Variants in BYSL observed in about 807,000 individuals in gnomAD.
BYSL encodes the protein bystin.
In BYSL, 21 loss-of-function variants were observed where a neutral mutation model predicts 45.4. The observed-to-expected ratio is 0.46, with a 90% CI of 0.33 to 0.67. BYSL has a LOEUF of 0.67. Among genes scored for constraint, BYSL ranks in the 30% least tolerant of loss-of-function variants. The probability of loss-of-function intolerance (pLI) is 0.02; values close to 1 mark genes in which losing one functional copy is unlikely to be tolerated. For missense variants in BYSL, 522 were observed against 578.5 expected (o/e 0.90, Z 1.00); for synonymous variants, 215 against 231.3 (o/e 0.93, Z 0.64).
chr6:41,912,015 C>T, the BYSL span, among the ~76,000 whole-genome samples: 1 of 151,594 alleles, frequency 6.6e-6, no homozygotes, highest in East Asian at 1.9e-4. Context: ...GAAGAAGGCA[C>T]TTCTAGTTGT....
upstream of BYSL, among the ~76,000 whole-genome samples, chr6:41,917,162 G>T (rs1183627025): frequency 2.6e-5 from 4 of 152,140 alleles, no homozygotes; most frequent in African/African-American, 9.7e-5. Flanking sequence ...AGCACTTTGG[G>T]AGGTCAAGGC....
chr6:41,918,147 T>G (rs76032968), upstream of BYSL, among the ~76,000 whole-genome samples: 2 of 152,168 alleles, frequency 1.3e-5, no homozygotes, highest in African/African-American at 4.8e-5. Flanking sequence ...GGCCTTTAGA[T>G]GAATTAACTC....
intron 2 of BYSL, 143 bp from the exon 3 acceptor site, chr6:41,929,989 A>T: frequency 9.3e-7 from 1 of 1,079,244 alleles, no homozygotes; most frequent in Non-Finnish European, 1.3e-6. Context: ...GGGCACAGAG[A>T]GAGAACTCTA....
At chr6:41,909,115 A>G in the BYSL span, 1 of 988,416 alleles carries the variant, frequency 1.0e-6, no homozygotes, top group East Asian at 2.4e-5. Context: ...TCGAGGCTAC[A>G]GTGTGCCAAG....
chr6:41,920,589 A>G (rs377177866), upstream of BYSL, among the ~76,000 whole-genome samples: 19 of 152,138 alleles, frequency 1.2e-4, no homozygotes, highest in African/African-American at 4.1e-4. Flanking sequence ...AGCGTGGCCA[A>G]TATGGTGAAA....
upstream of BYSL, among the ~76,000 whole-genome samples, chr6:41,920,010 A>G (rs1346347100): frequency 1.3e-5 from 2 of 152,128 alleles, no homozygotes; most frequent in Admixed American, 1.3e-4. Flanking sequence ...TGGCCTCCGG[A>G]TTTCTCCCAC....
the BYSL span, chr6:41,909,516 G>T: frequency 6.2e-7 from 1 of 1,614,094 alleles, no homozygotes; most frequent in Non-Finnish European, 8.5e-7. Flanking sequence ...CAGCTTCCCG[G>T]TCTGACCTGC....
At chr6:41,921,913 A>G in intron 1 of BYSL, 83 bp downstream of exon 1, 1 of 1,483,444 alleles carries the variant, frequency 6.7e-7, no homozygotes, top group South Asian at 1.3e-5. Flanking sequence ...TGGCAGGGGA[A>G]TTGCTTCGAG....
the BYSL span, chr6:41,908,877 T>C: frequency 4.1e-6 from 1 of 244,934 alleles, no homozygotes; most frequent in Non-Finnish European, 7.8e-6. Context: ...TAGGCATAAA[T>C]ATCTGTTTAA....
upstream of BYSL, chr6:41,921,463 C>T (rs532268931): frequency 2.6e-4 from 374 of 1,446,060 alleles, 6 homozygotes; most frequent in South Asian, 5.0e-3. Flanking sequence ...GCTGTGATCG[C>T]CGGGCGGCCT....
chr6:41,918,377 G>A (rs950885957), upstream of BYSL, among the ~76,000 whole-genome samples: 5 of 151,974 alleles, frequency 3.3e-5, no homozygotes, highest in Admixed American at 6.6e-5. Context: ...GGTGGTGTGC[G>A]CCTGTAATCC....
Position 41,931,747 on chromosome 6 carries a change from C to T in BYSL, c.885C>T (p.Cys295=), listed in dbSNP as rs140745860. ...CCCTAGGGATCCTGATTCCACTGTG[C>T]GAGTCTGGCACTTGTACCCTCCGGG... ...AWFKGILIPL[C]ESGTCTLREA... Residue 295 remains cysteine (C), a synonymous_variant, in exon 6 of 7, where the codon TGC becomes TGT. Transcript: ENST00000230340. 3.0e-4 allele frequency: 491 copies of T among 1,614,036 alleles called. 1 individual carries two copies. The African/African-American group carries it at 5.5e-3, about 18-fold the overall frequency.
chr6:41,926,525 A>T (rs1775565830), intron 1 of BYSL, among the ~76,000 whole-genome samples: 1 of 151,786 alleles, frequency 6.6e-6, no homozygotes. Flanking sequence ...ACCTTGGCTC[A>T]CTGCAACCTC....
At chr6:41,931,364 G>A (rs1775636539) in intron 4 of BYSL, 32 bp from the exon 5 acceptor site, 1 of 1,613,154 alleles carries the variant, frequency 6.2e-7, no homozygotes, top group Non-Finnish European at 8.5e-7. Flanking sequence ...TGTCGTGTGA[G>A]TTGGAAACTT....
intron 1 of BYSL, among the ~76,000 whole-genome samples, chr6:41,926,773 A>T (rs1362716597): frequency 6.6e-6 from 1 of 150,834 alleles, no homozygotes; most frequent in Non-Finnish European, 1.5e-5. Flanking sequence ...TAAGGATTAA[A>T]CAGTTAACAT....
chr6:41,916,736 C>T, upstream of BYSL: 1 of 1,603,550 alleles, frequency 6.2e-7, no homozygotes, highest in Non-Finnish European at 8.5e-7. Flanking sequence ...TCAAATGTCT[C>T]TTAACTCCAA....
chr6:41,917,552 G>A (rs776586799), upstream of BYSL: 17 of 327,278 alleles, frequency 5.2e-5, no homozygotes, highest in Middle Eastern at 1.1e-3. Context: ...AAGGAATAGA[G>A]GACCACAGTC....
the BYSL span, among the ~76,000 whole-genome samples, chr6:41,916,436 G>A: frequency 2.0e-5 from 3 of 151,828 alleles, no homozygotes; most frequent in African/African-American, 4.8e-5. Context: ...AAAATTAGCC[G>A]GGCTTGGTGG....
intron 1 of BYSL, among the ~76,000 whole-genome samples, chr6:41,926,066 C>T (rs1414719800): frequency 2.0e-5 from 3 of 152,200 alleles, no homozygotes; most frequent in Non-Finnish European, 4.4e-5. Context: ...CTGGCTTCAC[C>T]TTTCCCACGT....
Sources: allele counts gnomAD v4.1 joint callset (sites outside exome capture counted in the v4.1 genomes callset), GRCh38; gene constraint gnomAD v4.1.1; transcripts MANE v1.5; gene names NCBI Gene and HGNC (gene_info 2026-07-23, HGNC 2026-07-21).